The following FOXP2 variants were observed in gnomAD, a reference collection of about 807,000 sequenced individuals.
FOXP2 encodes forkhead box protein P2.
In FOXP2, 12 loss-of-function variants were observed where a neutral mutation model predicts 115.8. The ratio of observed to expected loss-of-function variants is 0.10; its 90% CI spans 0.07 to 0.17. FOXP2 has a LOEUF of 0.17. Ranked by LOEUF, FOXP2 falls within the 10% of genes least tolerant of loss-of-function variation. The pLI, the probability that FOXP2 is intolerant of heterozygous loss-of-function variation, is 1.00. For synonymous variants in FOXP2, 328 were observed against 297.7 expected (o/e 1.10, Z -1.05); for missense variants, 629 against 843.5 (o/e 0.75, Z 3.15).
At chr7:114,233,383 C>A (rs1029687214) in intron 1 of FOXP2, among the ~76,000 whole-genome samples, 1 of 152,088 alleles carries the variant, frequency 6.6e-6, no homozygotes, top group East Asian at 1.9e-4. Flanking sequence ...TATAGTAGCA[C>A]TTGTATATAA....
At chr7:114,649,188 A>G (rs1806092240) in intron 8 of FOXP2, among the ~76,000 whole-genome samples, 1 of 152,080 alleles carries the variant, frequency 6.6e-6, no homozygotes, top group African/African-American at 2.4e-5. Context: ...ACTACCAATA[A>G]GTAAAAAAAG....
At chr7:114,650,197 G>C (rs1183703835) in intron 8 of FOXP2, among the ~76,000 whole-genome samples, 1 of 151,938 alleles carries the variant, frequency 6.6e-6, no homozygotes, top group East Asian at 1.9e-4. Context: ...TTAAATATAA[G>C]ATCATGATTA....
At chr7:114,384,552 T>C (rs1490717687) in intron 2 of FOXP2, among the ~76,000 whole-genome samples, 2 of 152,122 alleles carry the variant, frequency 1.3e-5, no homozygotes, top group Non-Finnish European at 2.9e-5. Flanking sequence ...GGAGGAACCA[T>C]CTACCATCCT....
intron 2 of FOXP2, among the ~76,000 whole-genome samples, chr7:114,462,249 C>G (rs1162835997): frequency 1.6e-5 from 2 of 127,914 alleles, no homozygotes; most frequent in South Asian, 2.7e-4. Flanking sequence ...CCGCTGCACT[C>G]CAGCCTGGCG....
intron 2 of FOXP2, among the ~76,000 whole-genome samples, chr7:114,335,330 A>C (rs1162624630): frequency 2.0e-5 from 3 of 151,884 alleles, no homozygotes; most frequent in Non-Finnish European, 1.5e-5. Flanking sequence ...TACTAAAGTG[A>C]ATTCATAGAT....
intron 1 of FOXP2, among the ~76,000 whole-genome samples, chr7:114,149,749 A>G (rs1289526911): frequency 6.6e-6 from 1 of 152,120 alleles, no homozygotes; most frequent in Non-Finnish European, 1.5e-5. Context: ...GTGTTAAAAT[A>G]AGTAAAAAGT....
At chr7:114,206,766 A>C (rs1441622093) in intron 1 of FOXP2, among the ~76,000 whole-genome samples, 1 of 152,174 alleles carries the variant, frequency 6.6e-6, no homozygotes, top group East Asian at 1.9e-4. Context: ...ATCTTACATG[A>C]CCTACCTGTT....
intron 1 of FOXP2, among the ~76,000 whole-genome samples, chr7:114,188,269 C>T (rs992886042): frequency 2.0e-5 from 3 of 152,178 alleles, no homozygotes; most frequent in African/African-American, 7.2e-5. Flanking sequence ...GAAAGGCCCT[C>T]TATAATCTGG....
intron 2 of FOXP2, among the ~76,000 whole-genome samples, chr7:114,511,867 A>G (rs958206274): frequency 2.0e-5 from 3 of 152,008 alleles, no homozygotes; most frequent in African/African-American, 7.2e-5. Flanking sequence ...TACTTTGTCC[A>G]TGTTTTAATG....
intron 1 of FOXP2, among the ~76,000 whole-genome samples, chr7:114,092,910 A>G (rs1053980739): frequency 1.3e-5 from 2 of 152,060 alleles, no homozygotes; most frequent in South Asian, 2.1e-4. Flanking sequence ...TTCTATACAT[A>G]TAGTTTGTAC....
At chr7:114,680,225 AAATTG>A (rs1808012917) in intron 16 of FOXP2, among the ~76,000 whole-genome samples, 1 of 152,222 alleles carries the variant, frequency 6.6e-6, no homozygotes, top group African/African-American at 2.4e-5. Flanking sequence ...CAAGAAACAT[AAATTG>A]GTGTTTTTTT....
intron 3 of FOXP2, among the ~76,000 whole-genome samples, chr7:114,535,334 C>A (rs1371463979): frequency 2.0e-5 from 3 of 150,254 alleles, no homozygotes; most frequent in African/African-American, 7.3e-5. Flanking sequence ...GGGACATTTT[C>A]TTGGTGGGGG....
intron 16 of FOXP2, among the ~76,000 whole-genome samples, chr7:114,678,024 A>G (rs1210162823): frequency 6.6e-6 from 1 of 152,220 alleles, no homozygotes; most frequent in Non-Finnish European, 1.5e-5. Flanking sequence ...GAGAGTTGCA[A>G]ACAAATTGTG....
At chr7:114,199,266 T>G (rs1301403224) in intron 1 of FOXP2, among the ~76,000 whole-genome samples, 3 of 152,230 alleles carry the variant, frequency 2.0e-5, no homozygotes, top group Non-Finnish European at 4.4e-5. Context: ...GTAAAATGGC[T>G]TAGAGAATTT....
chr7:114,330,310 G>A (rs1797670200), intron 2 of FOXP2, among the ~76,000 whole-genome samples: 1 of 151,650 alleles, frequency 6.6e-6, no homozygotes, highest in South Asian at 2.1e-4. Flanking sequence ...ATGAAATATG[G>A]CAAAGATAAA....
At chr7:114,239,163 C>T (rs1380068995) in intron 1 of FOXP2, among the ~76,000 whole-genome samples, 1 of 151,688 alleles carries the variant, frequency 6.6e-6, no homozygotes, top group African/African-American at 2.4e-5. Context: ...CAAAAACTAT[C>T]ATAGCAGTTT....
Position 114,692,927 on chromosome 7 carries a change from G to GT in FOXP2, c.*3002dup, listed in dbSNP as rs1443552881. On this transcript the variant is annotated 3_prime_UTR_variant, in exon 17 of 17. Transcript: ENST00000350908. Reference sequence around the variant, plus strand: ...ACGTTAGAAGTCATGGTTGAGAATTGTAACAGCTGTTATTCGTTCTGTATT... The same window carrying GT: ...ACGTTAGAAGTCATGGTTGAGAATTGTTAACAGCTGTTATTCGTTCTGTATT... 4 of 453,802 alleles carry GT rather than the reference G, an allele frequency of 8.8e-6. No homozygotes were observed. The Admixed American group carries it at 9.4e-5, about 11-fold the overall frequency. The allele number at this position is 453,802 out of a possible 1,614,324, so 28.1% of individuals were successfully genotyped here. A position where few individuals can be genotyped will look rare whatever the true frequency, so the allele number is the denominator to read the frequency against.
At chr7:114,258,417 A>G (rs1040992130) in intron 1 of FOXP2, among the ~76,000 whole-genome samples, 1 of 152,152 alleles carries the variant, frequency 6.6e-6, no homozygotes, top group South Asian at 2.1e-4. Context: ...GAAAAATAGT[A>G]TTATAGGATC....
intron 1 of FOXP2, among the ~76,000 whole-genome samples, chr7:114,100,034 C>T (rs538291961): frequency 5.4e-4 from 82 of 152,166 alleles, no homozygotes; most frequent in African/African-American, 1.8e-3. Flanking sequence ...ACTTTAAAAA[C>T]GCACAATAAA....
Sources: gnomAD v4.1 joint callset for allele counts (sites outside exome capture counted in the v4.1 genomes callset) on GRCh38, gnomAD v4.1.1 for gene constraint, MANE v1.5 for transcripts, NCBI Gene and HGNC (gene_info 2026-07-23, HGNC 2026-07-21) for gene names.